Variants in ADAMTSL1 observed in about 807,000 individuals in gnomAD.
The protein encoded by ADAMTSL1 is ADAMTS-like protein 1.
ADAMTSL1 carries 126 observed loss-of-function variants against 201.8 expected under a neutral mutation model. That is an observed-to-expected ratio of 0.62 (90% CI 0.54 to 0.72). ADAMTSL1 has a LOEUF of 0.72. Ranked by LOEUF, ADAMTSL1 falls within the 30% of genes least tolerant of loss-of-function variation. The probability of loss-of-function intolerance (pLI) is 0.00; values close to 1 mark genes in which losing one functional copy is unlikely to be tolerated. For missense variants in ADAMTSL1, 2,679 were observed against 2,277.8 expected, an observed-to-expected ratio of 1.18 and a Z score of -3.59; for synonymous variants, 1,121 against 903.4, an observed-to-expected ratio of 1.24 and a Z score of -4.32.
intron 23 of ADAMTSL1, among the ~76,000 whole-genome samples, chr9:18,844,604 T>C (rs1825965367): frequency 6.6e-6 from 1 of 152,206 alleles, no homozygotes; most frequent in Non-Finnish European, 1.5e-5. Flanking sequence ...CAGAGGTTAC[T>C]GCTGTCTTTT....
rs554218454 is a variant in ADAMTSL1, at chr9:18,876,315, TGTGTGTGTGTGTGTGC to T, written c.4250-11512_4250-11497del. 4.6e-4 allele frequency among the ~76,000 whole-genome samples: 69 copies of T among 151,614 alleles called. 1 individual carries two copies. Among genetic ancestry groups the T allele is most frequent in the South Asian group, 1.9e-3 (9 of 4,800 alleles). On this transcript the variant is annotated intron_variant, in intron 23 of 28. Transcript: ENST00000380548. ...TTGCCTGAATACGTGTGTGTGTGTG[TGTGTGTGTGTGTGTGC>T]GTGATTGTTTTATAGGTTCTGTGAG...
intron 28 of ADAMTSL1, chr9:18,907,252 G>C (rs1047228842): frequency 3.3e-6 from 1 of 302,298 alleles, no homozygotes; most frequent in Non-Finnish European, 6.1e-6. Context: ...ACTCTCAGGG[G>C]CCAGGCTACT....
At chr9:18,222,598 G>A (rs10963527) in intron 2 of ADAMTSL1, among the ~76,000 whole-genome samples, 25,296 of 146,712 alleles carry the variant, frequency 0.17, 2,223 homozygotes, top group East Asian at 0.24. Flanking sequence ...TTAGTTATTA[G>A]CATTGTATAT....
At position 17,962,373 on chromosome 9, in the gene ADAMTSL1, C is replaced by T. The variant is rs117603822; in HGVS notation, c.87+55451C>T. On this transcript the variant is annotated intron_variant, in intron 1 of 29. Coordinates refer to the ADAMTSL1 transcript ENST00000680146. The stretch of plus-strand genomic sequence containing the variant: ...TCAGTTGTTTTACATTTTTTATCTC[C>T]GGTTTTGTGCACAGTATCAAGCGTT... 2.6e-4 allele frequency among the ~76,000 whole-genome samples: 39 copies of T among 152,240 alleles called. No homozygotes were observed. In the East Asian group the frequency reaches 5.6e-3, roughly 22 times the overall value.
chr9:18,807,691 T>C (rs1309659406), intron 20 of ADAMTSL1, among the ~76,000 whole-genome samples: 2 of 151,694 alleles, frequency 1.3e-5, no homozygotes, highest in African/African-American at 2.4e-5. Flanking sequence ...TAGTACTGAC[T>C]GCTGAGGCGC....
intron 2 of ADAMTSL1, among the ~76,000 whole-genome samples, chr9:18,175,736 C>G (rs900543898): frequency 1.7e-4 from 26 of 152,160 alleles, no homozygotes; most frequent in Non-Finnish European, 2.4e-4. Flanking sequence ...CATTCTGGTC[C>G]TCAGGGTGGC....
chr9:18,160,348 G>C (rs1222507958), intron 1 of ADAMTSL1, among the ~76,000 whole-genome samples: 1 of 151,960 alleles, frequency 6.6e-6, no homozygotes, highest in Non-Finnish European at 1.5e-5. Context: ...CTATTCCTGC[G>C]AGTGAATAAT....
chr9:18,661,790 G>A (rs1829110178), intron 8 of ADAMTSL1, 145 bp from the exon 9 acceptor site: 1 of 825,122 alleles, frequency 1.2e-6, no homozygotes, highest in South Asian at 2.1e-5. Context: ...AAATTAATGA[G>A]CCTTCCAATT....
intron 2 of ADAMTSL1, among the ~76,000 whole-genome samples, chr9:18,191,498 T>C (rs888418584): frequency 5.9e-5 from 9 of 152,136 alleles, no homozygotes; most frequent in Admixed American, 5.9e-4. Flanking sequence ...ACCTCACAAG[T>C]TCAGCCTACA....
chr9:18,365,988 C>T (rs1275773582), intron 2 of ADAMTSL1, among the ~76,000 whole-genome samples: 1 of 152,158 alleles, frequency 6.6e-6, no homozygotes, highest in African/African-American at 2.4e-5. Context: ...AAACCTCTCG[C>T]CTGCCCTGTC....
intron 1 of ADAMTSL1, among the ~76,000 whole-genome samples, chr9:18,500,039 TA>T (rs1822751640): frequency 6.6e-6 from 1 of 152,262 alleles, no homozygotes. Context: ...ATGTATTTGA[TA>T]ACCTGTCCAG....
chr9:18,792,036 C>T (rs185116362), intron 19 of ADAMTSL1, among the ~76,000 whole-genome samples: 1 of 152,074 alleles, frequency 6.6e-6, no homozygotes, highest in Admixed American at 6.5e-5. Flanking sequence ...GAGAGGGTTA[C>T]ATCCTCTGCC....
chr9:18,326,682 GGT>G (rs1472306208), intron 2 of ADAMTSL1, among the ~76,000 whole-genome samples: 1 of 152,166 alleles, frequency 6.6e-6, no homozygotes, highest in Non-Finnish European at 1.5e-5. Flanking sequence ...GGCCTTGCAT[GGT>G]TCCATGCATC....
intron 4 of ADAMTSL1, among the ~76,000 whole-genome samples, chr9:18,586,973 A>T (rs1270236422): frequency 6.6e-6 from 1 of 152,170 alleles, no homozygotes; most frequent in East Asian, 1.9e-4. Flanking sequence ...TAAATGTAAA[A>T]CTAAATACTA....
intron 23 of ADAMTSL1, among the ~76,000 whole-genome samples, chr9:18,832,029 T>C (rs10122919): frequency 0.12 from 18,891 of 152,188 alleles, 1,317 homozygotes; most frequent in East Asian, 0.24. Flanking sequence ...GTGCAAGATA[T>C]GTATCAGATG....
chr9:18,560,385 T>A (rs955796580), intron 3 of ADAMTSL1, among the ~76,000 whole-genome samples: 2 of 152,222 alleles, frequency 1.3e-5, no homozygotes, highest in Admixed American at 1.3e-4. Context: ...ATAAGCTTTT[T>A]GATGTGCTAC....
chr9:18,332,918 A>G (rs1021990790), intron 2 of ADAMTSL1, among the ~76,000 whole-genome samples: 1 of 152,210 alleles, frequency 6.6e-6, no homozygotes, highest in Admixed American at 6.5e-5. Context: ...CTTAACGAGC[A>G]TCTGAGTCTG....
At chr9:18,907,649 C>G in intron 28 of ADAMTSL1, 1 of 152,660 alleles carries the variant, frequency 6.6e-6, no homozygotes, top group Non-Finnish European at 1.5e-5. Context: ...ATTCCCAACA[C>G]TAAGGCAGAC....
chr9:18,467,087 G>C (rs955587069), intron 2 of ADAMTSL1, among the ~76,000 whole-genome samples: 2 of 152,040 alleles, frequency 1.3e-5, no homozygotes, highest in Non-Finnish European at 1.5e-5. Flanking sequence ...TTACGTAAAG[G>C]GTGCTGTACT....
Sources: allele counts gnomAD v4.1 joint callset (sites outside exome capture counted in the v4.1 genomes callset), GRCh38; gene constraint gnomAD v4.1.1; transcripts MANE v1.5; gene names NCBI Gene and HGNC (gene_info 2026-07-23, HGNC 2026-07-21).